The following MAPKAP1 variants were observed in gnomAD, a reference collection of about 807,000 sequenced individuals.
MAPKAP1 encodes the protein target of rapamycin complex 2 subunit MAPKAP1.
Under a neutral mutation model 65.7 loss-of-function variants are expected in MAPKAP1, and 20 were observed. That is an observed-to-expected ratio of 0.30 (90% confidence interval 0.21 to 0.44). The LOEUF (loss-of-function observed/expected upper bound fraction) is 0.44, where lower values mean the gene tolerates loss of function less well. Ranked by LOEUF, MAPKAP1 falls within the 20% of genes least tolerant of loss-of-function variation. The pLI is 1.00. For synonymous variants in MAPKAP1, 222 were observed against 244.3 expected, an observed-to-expected ratio of 0.91 and a Z score of 0.85; for missense variants, 423 against 648.0, an observed-to-expected ratio of 0.65 and a Z score of 3.77.
intron 10 of MAPKAP1, among the ~76,000 whole-genome samples, chr9:125,453,455 T>C (rs543163339): frequency 1.4e-4 from 22 of 152,392 alleles, no homozygotes; most frequent in African/African-American, 2.4e-4. Flanking sequence ...TGCTGTGATA[T>C]AGTTTTGGTT....
intron 4 of MAPKAP1, among the ~76,000 whole-genome samples, chr9:125,608,290 G>C (rs1832498814): frequency 6.6e-6 from 1 of 152,156 alleles, no homozygotes; most frequent in Non-Finnish European, 1.5e-5. Flanking sequence ...TTATTTGTTA[G>C]TCTGATCATT....
At position 125,565,741 on chromosome 9, in the gene MAPKAP1, C is replaced by CAAAA. The variant is rs71374275; in HGVS notation, c.672-5936_672-5933dup. 281 of 149,040 alleles carry CAAAA rather than the reference C, an allele frequency of 1.9e-3. 2 individuals are homozygous for CAAAA. Among genetic ancestry groups the CAAAA allele is most frequent in the Middle Eastern group, 5.1e-3 (2 of 394 alleles). The allele number at this position is 149,040 out of a possible 1,614,324, so 9.2% of individuals were successfully genotyped here. A position where few individuals can be genotyped will look rare whatever the true frequency, so the allele number is the denominator to read the frequency against. On this transcript the variant is annotated intron_variant, in intron 5 of 11. Coordinates refer to ENST00000265960, the MANE Select transcript of MAPKAP1 (RefSeq NM_001006617.3). The stretch of plus-strand genomic sequence containing the variant: ...TTCCTGATCCTCAGTTTCTCTCCTG[C>CAAAA]AAAAAAAAAAAAAAAAAAAAAAAAA...
intron 10 of MAPKAP1, among the ~76,000 whole-genome samples, chr9:125,448,665 G>GAGCA (rs371882717): frequency 7.6e-4 from 115 of 152,302 alleles, no homozygotes; most frequent in African/African-American, 2.6e-3. Context: ...TAAGTCACAG[G>GAGCA]AGCAAGCTGT....
In MAPKAP1 at chr9:125,559,813, A is replaced by T; in HGVS notation, c.672-4T>A. 1 of 1,607,680 alleles carries T rather than the reference A, an allele frequency of 6.2e-7. No homozygotes were observed. The highest frequency in any genetic ancestry group is 1.7e-5 in the Admixed American group (1 of 59,630). ...GCAGTAGGCACTGACATTGTCACTGAAAGGAAAACCAAAAAGGCGAGTGAA... is the reference window on the plus strand; with the variant it reads ...GCAGTAGGCACTGACATTGTCACTGTAAGGAAAACCAAAAAGGCGAGTGAA... On this transcript the variant is annotated splice_region_variant and splice_polypyrimidine_tract_variant and intron_variant, in intron 5 of 11. Transcript: ENST00000265960.
chr9:125,487,362 C>T (rs748446493), intron 8 of MAPKAP1, among the ~76,000 whole-genome samples: 1 of 152,076 alleles, frequency 6.6e-6, no homozygotes, highest in Non-Finnish European at 1.5e-5. Flanking sequence ...AACATAACTG[C>T]CAAAACATGT....
chr9:125,609,904 T>G lies in MAPKAP1; in HGVS notation c.499-24177A>C, dbSNP rs138647187. Among the ~76,000 whole-genome samples the G allele has an allele frequency of 4.2e-3, 644 of 152,348 alleles. 4 individuals carry two copies. The highest frequency in any genetic ancestry group is 0.014 in the African/African-American group (602 of 41,576). The stretch of plus-strand genomic sequence containing the variant: ...AGTGTGCCACATAAATTCTCTCTTT[T>G]GATCTTCAAAACAGCCCCCACTTAC... On this transcript the variant is annotated intron_variant, in intron 4 of 11. Transcript: ENST00000265960.
chr9:125,546,052 C>T (rs879274285), intron 6 of MAPKAP1, among the ~76,000 whole-genome samples: 19 of 152,196 alleles, frequency 1.2e-4, no homozygotes, highest in South Asian at 4.1e-4. Context: ...TGAATGTTAA[C>T]GATAGTGATC....
chr9:125,576,143 C>A (rs956487486), intron 5 of MAPKAP1, among the ~76,000 whole-genome samples: 1 of 152,042 alleles, frequency 6.6e-6, no homozygotes. Flanking sequence ...ACTACAGAGA[C>A]AGAAAAAAGG....
intron 1 of MAPKAP1, among the ~76,000 whole-genome samples, chr9:125,693,838 T>TACAAACATATAC (rs1835301508): frequency 8.5e-6 from 1 of 117,294 alleles, no homozygotes; most frequent in African/African-American, 5.0e-5. Context: ...CACATATATA[T>TACAAACATATAC]ACACACATAC....
At chr9:125,646,666 A>C (rs1408901391) in intron 4 of MAPKAP1, among the ~76,000 whole-genome samples, 1 of 152,252 alleles carries the variant, frequency 6.6e-6, no homozygotes, top group Admixed American at 6.5e-5. Context: ...GAAACCTAAT[A>C]AAATAGAAAG....
chr9:125,489,477 T>A (rs1277261178), intron 8 of MAPKAP1, among the ~76,000 whole-genome samples: 1 of 152,174 alleles, frequency 6.6e-6, no homozygotes, highest in Non-Finnish European at 1.5e-5. Flanking sequence ...AGATGTATTG[T>A]GATAGATCAA....
At chr9:125,693,846 T>TACACACACACACACACACACACACACAC (rs1554844769) in intron 1 of MAPKAP1, among the ~76,000 whole-genome samples, 9 of 135,544 alleles carry the variant, frequency 6.6e-5, no homozygotes, top group African/African-American at 2.5e-4. Context: ...TATACACACA[T>TACACACACACACACACACACACACACAC]ACACACACAC....
At chr9:125,684,963 G>C (rs1374018473) in intron 1 of MAPKAP1, among the ~76,000 whole-genome samples, 1 of 152,174 alleles carries the variant, frequency 6.6e-6, no homozygotes, top group East Asian at 1.9e-4. Flanking sequence ...CTGAGCCACC[G>C]CACCCGGCTT....
At chr9:125,493,279 A>G (rs549721908) in intron 8 of MAPKAP1, among the ~76,000 whole-genome samples, 22 of 152,356 alleles carry the variant, frequency 1.4e-4, no homozygotes, top group African/African-American at 5.3e-4. Flanking sequence ...GACTCTGCTC[A>G]GGTTCTACCA....
intron 4 of MAPKAP1, among the ~76,000 whole-genome samples, chr9:125,597,173 G>A (rs550704799): frequency 1.3e-5 from 2 of 149,986 alleles, no homozygotes; most frequent in East Asian, 4.0e-4. Flanking sequence ...GCTGAGGCAG[G>A]AGAATGGCGT....
chr9:125,535,813 T>A (rs1002355972), intron 7 of MAPKAP1, among the ~76,000 whole-genome samples: 3 of 152,174 alleles, frequency 2.0e-5, no homozygotes, highest in African/African-American at 7.2e-5. Context: ...CAGACCCTAG[T>A]GAACCCAGGA....
At chr9:125,449,128 A>AG (rs1402235545) in intron 10 of MAPKAP1, among the ~76,000 whole-genome samples, 1 of 152,236 alleles carries the variant, frequency 6.6e-6, no homozygotes, top group East Asian at 1.9e-4. Context: ...ATTCTGTTTA[A>AG]ATTAAGGTTT....
chr9:125,584,063 C>CAA (rs768787779), intron 5 of MAPKAP1, among the ~76,000 whole-genome samples: 3 of 128,178 alleles, frequency 2.3e-5, no homozygotes, highest in African/African-American at 5.8e-5. Flanking sequence ...ACTCCGTCTC[C>CAA]AAAAAAAAAA....
At chr9:125,503,447 G>A (rs1829042878) in intron 8 of MAPKAP1, among the ~76,000 whole-genome samples, 1 of 152,182 alleles carries the variant, frequency 6.6e-6, no homozygotes, top group South Asian at 2.1e-4. Flanking sequence ...CATGGCCATT[G>A]ATTCTTTTCT....
Sources: allele counts gnomAD v4.1 joint callset (sites outside exome capture counted in the v4.1 genomes callset), GRCh38; gene constraint gnomAD v4.1.1; transcripts MANE v1.5; gene names NCBI Gene and HGNC (gene_info 2026-07-23, HGNC 2026-07-21).